PROSER3: variants seen among roughly 807,000 people sequenced by gnomAD.
PROSER3 encodes proline and serine rich 3.
PROSER3 carries 33 observed loss-of-function variants against 50.2 expected under a neutral mutation model. That is an observed-to-expected ratio of 0.66 (90% CI 0.50 to 0.88). The LOEUF (loss-of-function observed/expected upper bound fraction) is 0.88. PROSER3 is among the 40% of genes least tolerant of loss of function. PROSER3 has a pLI of 0.00. For missense variants in PROSER3, 623 were observed against 612.7 expected (o/e 1.02, Z -0.18); for synonymous variants, 266 against 259.3 (o/e 1.03, Z -0.25).
intron 3 of PROSER3, 112 bp from the exon 4 acceptor site, chr19:35,761,907 G>T: frequency 8.0e-7 from 1 of 1,248,924 alleles, no homozygotes; most frequent in Non-Finnish European, 1.1e-6. Flanking sequence ...GATATTGAGG[G>T]ATAGCTACCA....
At chr19:35,758,489 G>A in intron 1 of PROSER3, 1 of 405,300 alleles carries the variant, frequency 2.5e-6, no homozygotes, top group East Asian at 3.6e-5. Flanking sequence ...AAAGGCTTGA[G>A]ATCTGAATTT....
At chr19:35,758,329 G>C (rs1245256207) in intron 1 of PROSER3, 103 bp downstream of exon 1, 3 of 1,375,924 alleles carry the variant, frequency 2.2e-6, no homozygotes, top group African/African-American at 1.5e-5. Context: ...AGTCGCTAGG[G>C]CTCCACCGCA....
chr19:35,759,707 C>G, intron 2 of PROSER3, 82 bp from the exon 3 acceptor site: 1 of 1,333,964 alleles, frequency 7.5e-7, no homozygotes, highest in Non-Finnish European at 1.0e-6. Flanking sequence ...TGGACTGAGA[C>G]TTTGTGTGTG....
downstream of PROSER3, among the ~76,000 whole-genome samples, chr19:35,770,331 C>A (rs1971295777): frequency 6.6e-6 from 1 of 152,198 alleles, no homozygotes; most frequent in Non-Finnish European, 1.5e-5. Context: ...AGCCACCGCA[C>A]CTGGCCTCCA....
At chr19:35,770,136 C>T (rs1212683268), downstream of PROSER3, among the ~76,000 whole-genome samples, 2 of 152,134 alleles carry the variant, frequency 1.3e-5, no homozygotes, top group Admixed American at 1.3e-4. Flanking sequence ...AACTCATGAC[C>T]TCGTGATCCT....
chr19:35,764,589 G>A (rs1412430560), intron 5 of PROSER3, among the ~76,000 whole-genome samples: 1 of 151,850 alleles, frequency 6.6e-6, no homozygotes, highest in Non-Finnish European at 1.5e-5. Context: ...CCAGGAGATG[G>A]AGGTTGCTGT....
exon 9 of PROSER3, chr19:35,767,839 A>G: frequency 6.2e-7 from 1 of 1,613,116 alleles, no homozygotes; most frequent in African/African-American, 1.3e-5. Context: ...TGCCGCCCGC[A>G]GCGGGGTCAG....
At chr19:35,760,841 G>C (rs1314323289) in intron 3 of PROSER3, among the ~76,000 whole-genome samples, 1 of 152,184 alleles carries the variant, frequency 6.6e-6, no homozygotes, top group East Asian at 1.9e-4. Context: ...CTTTCAGTGA[G>C]TTACTATATA....
intron 1 of PROSER3, chr19:35,758,593 A>ATC (rs1970847796): frequency 3.6e-6 from 1 of 279,806 alleles, no homozygotes; most frequent in African/African-American, 2.2e-5. Flanking sequence ...CTTGTAGTCC[A>ATC]TCTACCCTTT....
intron 5 of PROSER3, chr19:35,763,144 G>T (rs986941602): frequency 2.0e-5 from 3 of 152,072 alleles, no homozygotes; most frequent in Non-Finnish European, 1.5e-5. Context: ...TTCCAGATAT[G>T]CCTGGATCCA....
At chr19:35,768,481 C>G in exon 11 of PROSER3, 1 of 1,598,208 alleles carries the variant, frequency 6.3e-7, no homozygotes, top group Non-Finnish European at 8.5e-7. Flanking sequence ...GCCGGGTCGC[C>G]CCCTAGGTCC....
At chr19:35,765,785 G>A (rs1244852294) in intron 7 of PROSER3, among the ~76,000 whole-genome samples, 3 of 152,144 alleles carry the variant, frequency 2.0e-5, no homozygotes, top group South Asian at 2.1e-4. Flanking sequence ...TCCCCCCACC[G>A]CCTTCGCTTC....
intron 10 of PROSER3, 75 bp downstream of exon 10, chr19:35,768,311 C>T: frequency 1.3e-6 from 2 of 1,579,678 alleles, no homozygotes; most frequent in Non-Finnish European, 1.7e-6. Flanking sequence ...GGCATCCAGC[C>T]CTCCTCATCC....
chr19:35,765,103 C>T, exon 7 of PROSER3: 1 of 1,613,986 alleles, frequency 6.2e-7, no homozygotes, highest in Non-Finnish European at 8.5e-7. Context: ...TCCCCACCAG[C>T]TCTGATGGCC....
intron 5 of PROSER3, chr19:35,762,559 AAAAAGAG>A: frequency 3.9e-6 from 2 of 514,770 alleles, no homozygotes; most frequent in East Asian, 3.3e-5. Flanking sequence ...AAAAAAAAAA[AAAAAGAG>A]AGAGAGAGAG....
chr19:35,758,409 G>A (rs938117518), intron 1 of PROSER3, 183 bp downstream of exon 1: 1 of 699,172 alleles, frequency 1.4e-6, no homozygotes, highest in Admixed American at 3.8e-5. Flanking sequence ...GCATCCCGGG[G>A]GTCCCCTAAG....
At chr19:35,768,201 A>G (rs201539877) in exon 10 of PROSER3, 297 of 1,613,420 alleles carry the variant, frequency 1.8e-4, no homozygotes, top group Admixed American at 3.2e-4. Flanking sequence ...TGCAGGTGCT[A>G]AGAGCCCATA....
exon 4 of PROSER3, chr19:35,762,116 T>C (rs756219326): frequency 6.2e-7 from 1 of 1,603,810 alleles, no homozygotes; most frequent in Non-Finnish European, 8.5e-7. Context: ...GCAGTCTGAC[T>C]CTCCAGACCC....
chr19:35,764,338 T>G (rs989010112), intron 5 of PROSER3, among the ~76,000 whole-genome samples: 2 of 152,064 alleles, frequency 1.3e-5, no homozygotes, highest in Non-Finnish European at 2.9e-5. Context: ...GGATCCATCC[T>G]CCTCCAACCA....
Sources: allele counts gnomAD v4.1 joint callset (sites outside exome capture counted in the v4.1 genomes callset), GRCh38; gene constraint gnomAD v4.1.1; transcripts MANE v1.5; gene names NCBI Gene and HGNC (gene_info 2026-07-23, HGNC 2026-07-21).